Variants in CPNE4 observed in about 807,000 individuals in gnomAD.
The protein encoded by CPNE4 is copine 4.
In CPNE4, 25 loss-of-function variants were observed where a neutral mutation model predicts 67.9. The ratio of observed to expected loss-of-function variants is 0.37; its 90% CI spans 0.27 to 0.51. The LOEUF (loss-of-function observed/expected upper bound fraction) is 0.51, where lower values mean the gene tolerates loss of function less well. Ranked by LOEUF, CPNE4 falls within the 20% of genes least tolerant of loss-of-function variation. CPNE4 has a pLI of 0.93. For missense variants in CPNE4, 464 were observed against 690.8 expected, an observed-to-expected ratio of 0.67 and a Z score of 3.68; for synonymous variants, 242 against 244.9, an observed-to-expected ratio of 0.99 and a Z score of 0.11.
At chr3:131,959,894 A>G (rs1394694072) in intron 1 of CPNE4, among the ~76,000 whole-genome samples, 1 of 152,216 alleles carries the variant, frequency 6.6e-6, no homozygotes, top group Non-Finnish European at 1.5e-5. Flanking sequence ...GTTTCTTTTT[A>G]ATGACTAGCC....
intron 4 of CPNE4, among the ~76,000 whole-genome samples, chr3:131,699,085 A>G (rs1560137249): frequency 6.6e-6 from 1 of 152,048 alleles, no homozygotes; most frequent in Non-Finnish European, 1.5e-5. Context: ...TTTTCACTCC[A>G]TACATCCAAA....
intron 1 of CPNE4, among the ~76,000 whole-genome samples, chr3:132,014,352 C>T (rs1482514791): frequency 6.6e-6 from 1 of 152,020 alleles, no homozygotes; most frequent in Admixed American, 6.6e-5. Flanking sequence ...CTCCTCATCT[C>T]TCTCTCTCCA....
At chr3:131,685,819 G>T (rs370905709) in intron 6 of CPNE4, 56 bp downstream of exon 6, 1 of 1,170,812 alleles carries the variant, frequency 8.5e-7, no homozygotes, top group Non-Finnish European at 1.3e-6. Flanking sequence ...TCTCAAAATA[G>T]GTCAATTTAT....
intron 7 of CPNE4, among the ~76,000 whole-genome samples, chr3:131,616,872 G>A (rs1293635341): frequency 6.6e-6 from 1 of 152,198 alleles, no homozygotes; most frequent in Admixed American, 6.5e-5. Context: ...TTGATGAACT[G>A]CACCTATAAA....
intron 2 of CPNE4, among the ~76,000 whole-genome samples, chr3:131,861,740 T>C (rs2086697353): frequency 6.6e-6 from 1 of 150,758 alleles, no homozygotes; most frequent in East Asian, 2.0e-4. Context: ...GCCTAGGATA[T>C]CTCATCTTTT....
At chr3:131,790,859 A>AT (rs2083699358) in intron 2 of CPNE4, among the ~76,000 whole-genome samples, 1 of 152,088 alleles carries the variant, frequency 6.6e-6, no homozygotes, top group Non-Finnish European at 1.5e-5. Flanking sequence ...CAGTATTTCC[A>AT]TTTTATTTTC....
chr3:131,971,196 G>A lies in CPNE4; in HGVS notation c.-2+63371C>T, dbSNP rs144350087. ...GGAGTGCTGACACGGTAGTTTCAGG[G>A]TAGTTAGATTTCTTACAGGGTGGGT... On this transcript the variant is annotated intron_variant, in intron 1 of 15. Coordinates refer to ENST00000429747, the MANE Select transcript of CPNE4 (RefSeq NM_130808.3). Among the ~76,000 whole-genome samples, 596 of 152,278 alleles carry A rather than the reference G, an allele frequency of 3.9e-3. 3 individuals carry two copies. The highest frequency in any genetic ancestry group is 0.014 in the African/African-American group (566 of 41,556).
chr3:131,992,962 G>T (rs1017871805), intron 1 of CPNE4, among the ~76,000 whole-genome samples: 1 of 136,112 alleles, frequency 7.3e-6, no homozygotes. Flanking sequence ...CCTTAGCCAC[G>T]CTGAACTGTG....
intron 1 of CPNE4, among the ~76,000 whole-genome samples, chr3:131,978,489 T>TATATATTTATATATTTATATATATTTAC (rs2072803693): frequency 1.4e-5 from 1 of 71,328 alleles, no homozygotes; most frequent in Non-Finnish European, 2.4e-5. Context: ...TATATATTTA[T>TATATATTTATATATTTATATATATTTAC]ATATATTTAT....
chr3:131,951,671 TCCTGCCTCAG>T (rs1408353456), intron 1 of CPNE4, among the ~76,000 whole-genome samples: 1 of 152,204 alleles, frequency 6.6e-6, no homozygotes, highest in African/African-American at 2.4e-5. Context: ...TGCCTGATTC[TCCTGCCTCAG>T]CCTGCCGAGT....
intron 7 of CPNE4, among the ~76,000 whole-genome samples, chr3:131,597,949 A>C (rs1281262117): frequency 6.6e-6 from 1 of 152,154 alleles, no homozygotes; most frequent in Non-Finnish European, 1.5e-5. Flanking sequence ...TTTCTCCCTG[A>C]GTTGAGTCTA....
intron 2 of CPNE4, among the ~76,000 whole-genome samples, chr3:131,825,384 C>T (rs893755586): frequency 6.6e-6 from 1 of 151,652 alleles, no homozygotes; most frequent in African/African-American, 2.4e-5. Flanking sequence ...ATTCCAGTTA[C>T]TCAAGAGGCT....
At position 131,953,102 on chromosome 3, in the gene CPNE4, T is replaced by A. The variant is rs190730676; in HGVS notation, c.-1-47658A>T. Among the ~76,000 whole-genome samples the A allele has an allele frequency of 2.0e-4, 31 of 152,150 alleles. No homozygotes were observed. The East Asian group carries it at 6.0e-3, about 29-fold the overall frequency. ...CTCAAGTACCCAGGGACACAAACAC[T>A]GCAGAGGGCCGCAGGGTCCTCTGCC... On this transcript the variant is annotated intron_variant, in intron 1 of 15. Coordinates refer to ENST00000429747, the MANE Select transcript of CPNE4 (RefSeq NM_130808.3).
Position 131,887,537 on chromosome 3 carries a change from G to A in CPNE4, c.180+17727C>T, listed in dbSNP as rs535670316. Among the ~76,000 whole-genome samples the A allele has an allele frequency of 6.2e-4, 94 of 152,294 alleles. No individual in the cohort carries two copies. In the South Asian group the frequency reaches 0.01, roughly 16 times the overall value. On this transcript the variant is annotated intron_variant, in intron 2 of 15. Coordinates refer to ENST00000429747, the MANE Select transcript of CPNE4 (RefSeq NM_130808.3). ...GTGAGGAATCAGTGAAAAAACAAAT[G>A]TAGGAGGGCTATGAAGATACTAGCT...
chr3:131,732,728 C>G (rs775325989), intron 2 of CPNE4, among the ~76,000 whole-genome samples: 1 of 152,216 alleles, frequency 6.6e-6, no homozygotes, highest in Non-Finnish European at 1.5e-5. Context: ...ATGAACATCT[C>G]TTTTTCTGCT....
intron 7 of CPNE4, among the ~76,000 whole-genome samples, chr3:131,655,642 A>G (rs981531559): frequency 6.6e-6 from 1 of 152,030 alleles, no homozygotes; most frequent in African/African-American, 2.4e-5. Context: ...AGGAAATGAA[A>G]CCGACGTCGG....
chr3:131,896,602 C>CT (rs774357199), intron 2 of CPNE4, among the ~76,000 whole-genome samples: 1 of 152,096 alleles, frequency 6.6e-6, no homozygotes, highest in Non-Finnish European at 1.5e-5. Flanking sequence ...CAGAAAGTAT[C>CT]TGAGTTTTAA....
intron 2 of CPNE4, among the ~76,000 whole-genome samples, chr3:131,849,036 G>C (rs1250828745): frequency 1.3e-5 from 2 of 148,818 alleles, no homozygotes; most frequent in Non-Finnish European, 3.0e-5. Context: ...ACCAAAGTTG[G>C]TACAGAAAAT....
chr3:131,562,785 G>A (rs1157281205), intron 11 of CPNE4, among the ~76,000 whole-genome samples: 1 of 151,948 alleles, frequency 6.6e-6, no homozygotes, highest in Non-Finnish European at 1.5e-5. Context: ...CTGCATTGGG[G>A]CTTGAAGAAA....
Sources: allele counts gnomAD v4.1 joint callset (sites outside exome capture counted in the v4.1 genomes callset), GRCh38; gene constraint gnomAD v4.1.1; transcripts MANE v1.5; gene names NCBI Gene and HGNC (gene_info 2026-07-23, HGNC 2026-07-21).